The following ANKRD12 variants were observed in gnomAD, a reference collection of about 807,000 sequenced individuals.
The protein encoded by ANKRD12 is ankyrin repeat domain 12, also known as ankyrin repeat domain-containing protein 12.
A neutral mutation model predicts 183.4 loss-of-function variants in ANKRD12; 85 were observed. The ratio of observed to expected loss-of-function variants is 0.46; its 90% CI spans 0.39 to 0.56. The LOEUF (loss-of-function observed/expected upper bound fraction) is 0.56. Ranked by LOEUF, ANKRD12 falls within the 20% of genes least tolerant of loss-of-function variation. The pLI is 0.00. For missense variants in ANKRD12, 2,405 were observed against 2,357.1 expected, an observed-to-expected ratio of 1.02 and a Z score of -0.42; for synonymous variants, 914 against 800.2, an observed-to-expected ratio of 1.14 and a Z score of -2.40.
intron 4 of ANKRD12, among the ~76,000 whole-genome samples, chr18:9,207,060 T>TA (rs1303880425): frequency 2.0e-5 from 3 of 152,100 alleles, no homozygotes; most frequent in Non-Finnish European, 4.4e-5. Flanking sequence ...TCATTATAGT[T>TA]AAAGATTTGT....
chr18:9,275,715 A>G, intron 11 of ANKRD12, 48 bp downstream of exon 11: 3 of 1,453,256 alleles, frequency 2.1e-6, no homozygotes, highest in Non-Finnish European at 2.8e-6. Context: ...GAAAAAATGC[A>G]ACTTGGCTAT....
chr18:9,234,671 TCTC>T (rs1385025113), intron 8 of ANKRD12, among the ~76,000 whole-genome samples: 1 of 151,822 alleles, frequency 6.6e-6, no homozygotes, highest in Non-Finnish European at 1.5e-5. Flanking sequence ...CAGGATGAAG[TCTC>T]CTGACAGCTG....
At chr18:9,148,677 CT>C (rs1328132783) in intron 1 of ANKRD12, among the ~76,000 whole-genome samples, 2 of 152,108 alleles carry the variant, frequency 1.3e-5, no homozygotes, top group South Asian at 2.1e-4. Flanking sequence ...TCTTCCACCC[CT>C]GTCCCCTGTG....
chr18:9,159,827 CAG>C (rs1411265538), intron 1 of ANKRD12, among the ~76,000 whole-genome samples: 4 of 144,176 alleles, frequency 2.8e-5, no homozygotes, highest in Admixed American at 6.9e-5. Flanking sequence ...TTATTTGAGA[CAG>C]AGTCTTGCTC....
chr18:9,210,340 A>G (rs2035723616), intron 5 of ANKRD12, among the ~76,000 whole-genome samples: 1 of 152,206 alleles, frequency 6.6e-6, no homozygotes, highest in South Asian at 2.1e-4. Context: ...AGTGATGAGT[A>G]AGATAGATAA....
At chr18:9,231,198 G>C (rs1657338430) in intron 8 of ANKRD12, among the ~76,000 whole-genome samples, 1 of 152,180 alleles carries the variant, frequency 6.6e-6, no homozygotes, top group African/African-American at 2.4e-5. Context: ...CATGTTCCAT[G>C]TGCTGATGAG....
chr18:9,158,441 A>G (rs906742839), intron 1 of ANKRD12, among the ~76,000 whole-genome samples: 16 of 152,124 alleles, frequency 1.1e-4, no homozygotes, highest in African/African-American at 3.9e-4. Context: ...TTTTTGATGA[A>G]CTTGACAGTG....
chr18:9,245,249 A>G (rs1028958425), intron 8 of ANKRD12, among the ~76,000 whole-genome samples: 5 of 151,888 alleles, frequency 3.3e-5, no homozygotes, highest in African/African-American at 4.8e-5. Context: ...CAGGAGTTCG[A>G]GAGCAGCCTG....
chr18:9,256,094 T>C lies in ANKRD12; in HGVS notation c.2827T>C (p.Tyr943His). The change falls in exon 9 of 13, where the codon TAC becomes CAC. Residue 943 changes from tyrosine to histidine, a missense_variant. Coordinates refer to ENST00000262126, the MANE Select transcript of ANKRD12 (RefSeq NM_015208.5). ...AAATAAACAATCAGATAATAGTGAA[T>C]ACAGTAAATCAGAAAAAGGCAAAAA... ...KKNKQSDNSE[Y>H]SKSEKGKNKE... 6.4e-7 allele frequency: 1 copy of C among 1,559,322 alleles called. No individual in the cohort carries two copies. Among genetic ancestry groups the C allele is most frequent in the Non-Finnish European group, 8.6e-7 (1 of 1,160,640 alleles).
intron 8 of ANKRD12, chr18:9,235,546 A>G (rs1354362877): frequency 4.7e-6 from 2 of 425,826 alleles, no homozygotes; most frequent in Non-Finnish European, 9.5e-6. Context: ...GAAAAAGAAT[A>G]TACTATATAC....
chr18:9,234,074 A>G (rs767712431), intron 8 of ANKRD12, among the ~76,000 whole-genome samples: 7 of 151,908 alleles, frequency 4.6e-5, no homozygotes, highest in Non-Finnish European at 1.0e-4. Flanking sequence ...CCCAGACACA[A>G]CTCTCAGGCT....
chr18:9,250,871 G>GT (rs1345063894), intron 8 of ANKRD12, among the ~76,000 whole-genome samples: 1 of 152,234 alleles, frequency 6.6e-6, no homozygotes, highest in South Asian at 2.1e-4. Context: ...ACTTTAAGCA[G>GT]TAAGAGGAAG....
intron 1 of ANKRD12, among the ~76,000 whole-genome samples, chr18:9,168,161 A>T (rs1235890346): frequency 1.3e-5 from 2 of 152,132 alleles, no homozygotes; most frequent in Non-Finnish European, 2.9e-5. Context: ...TTCATCAAAG[A>T]TATTGGTCTA....
chr18:9,188,317 G>A (rs2034237654), intron 2 of ANKRD12, among the ~76,000 whole-genome samples: 1 of 152,166 alleles, frequency 6.6e-6, no homozygotes, highest in South Asian at 2.1e-4. Flanking sequence ...TCCCTAGAAG[G>A]AGACATTATT....
intron 8 of ANKRD12, among the ~76,000 whole-genome samples, chr18:9,223,589 C>T (rs548410180): frequency 2.6e-5 from 4 of 151,852 alleles, no homozygotes; most frequent in Non-Finnish European, 5.9e-5. Flanking sequence ...AGCATATGAA[C>T]AAAGCAAAGA....
intron 9 of ANKRD12, among the ~76,000 whole-genome samples, chr18:9,263,399 AC>A (rs35270117): frequency 0.52 from 79,115 of 151,990 alleles, 23,136 homozygotes; most frequent in South Asian, 0.75. Flanking sequence ...GACAGACCTC[AC>A]TATATAGATA....
chr18:9,168,009 C>T (rs2032272708), intron 1 of ANKRD12, among the ~76,000 whole-genome samples: 1 of 152,160 alleles, frequency 6.6e-6, no homozygotes, highest in African/African-American at 2.4e-5. Flanking sequence ...TGTTTATATG[C>T]TGGCTTACAT....
intron 1 of ANKRD12, among the ~76,000 whole-genome samples, chr18:9,139,730 A>G (rs1457125063): frequency 2.6e-5 from 4 of 152,204 alleles, no homozygotes; most frequent in African/African-American, 9.6e-5. Flanking sequence ...ATTTGTTGCT[A>G]AAAACATGTA....
intron 3 of ANKRD12, among the ~76,000 whole-genome samples, chr18:9,203,985 G>A (rs1392296253): frequency 6.6e-6 from 1 of 152,222 alleles, no homozygotes; most frequent in Non-Finnish European, 1.5e-5. Flanking sequence ...AGTAATCACT[G>A]TAGTAATTTA....
Sources: gnomAD v4.1 joint callset for allele counts (sites outside exome capture counted in the v4.1 genomes callset) on GRCh38, gnomAD v4.1.1 for gene constraint, MANE v1.5 for transcripts, NCBI Gene and HGNC (gene_info 2026-07-23, HGNC 2026-07-21) for gene names.